The following DLG5 variants were observed in gnomAD, a reference collection of about 807,000 sequenced individuals.
DLG5 encodes the protein discs large MAGUK scaffold protein 5.
Under a neutral mutation model 189.8 loss-of-function variants are expected in DLG5, and 48 were observed. The ratio of observed to expected loss-of-function variants is 0.25; its 90% confidence interval spans 0.20 to 0.32. The LOEUF (loss-of-function observed/expected upper bound fraction) is 0.32. DLG5 is among the 10% of genes least tolerant of loss of function. The probability of loss-of-function intolerance (pLI) is 1.00; values close to 1 mark genes in which losing one functional copy is unlikely to be tolerated. For missense variants in DLG5, 2,160 were observed against 2,544.7 expected, an observed-to-expected ratio of 0.85 and a Z score of 3.25; for synonymous variants, 1,016 against 1,054.1, an observed-to-expected ratio of 0.96 and a Z score of 0.70.
At chr10:77,845,600 G>GAGGGAAGA (rs1472568247) in intron 5 of DLG5, among the ~76,000 whole-genome samples, 1 of 151,742 alleles carries the variant, frequency 6.6e-6, no homozygotes, top group Non-Finnish European at 1.5e-5. Flanking sequence ...TGGAGGGAAG[G>GAGGGAAGA]AGGGAAGAAG....
intron 5 of DLG5, chr10:77,846,747 A>G: frequency 2.2e-6 from 1 of 456,122 alleles, no homozygotes; most frequent in Non-Finnish European, 4.4e-6. Context: ...CCCCTAAGCC[A>G]AGTGAGAACC....
At position 77,809,699 on chromosome 10, in the gene DLG5, C is replaced by T; in HGVS notation, c.4495G>A (p.Glu1499Lys). The change falls in exon 24 of 32, where the codon GAG (glutamate) becomes AAG (lysine). Residue 1499 changes from glutamate (E) to lysine (K), a missense_variant. This residue lies in a region of DLG5 where 574 missense variants were observed against 644.2 expected (regional missense o/e 0.89). Coordinates refer to ENST00000372391, the MANE Select transcript of DLG5 (RefSeq NM_004747.4). ...IAGDANKKTLEPRVVFIKKSQ... is the reference protein window; with the variant it reads ...IAGDANKKTLKPRVVFIKKSQ... ...TTTTTGATGAAGACAACGCGTGGCT[C>T]CAGGGTCTTCTTGTTGGCATCTCCC... The T allele has an allele frequency of 6.2e-7, 1 of 1,613,724 alleles. No individual in the cohort carries two copies. Among genetic ancestry groups the T allele is most frequent in the South Asian group, 1.1e-5 (1 of 90,986 alleles).
In DLG5 at chr10:77,895,242, G is replaced by A. The variant is rs558622551; in HGVS notation, c.305-26045C>T. Among the ~76,000 whole-genome samples the A allele has an allele frequency of 2.7e-4, 41 of 152,176 alleles. No individual in the cohort carries two copies. In the South Asian group the frequency reaches 7.7e-3, roughly 29 times the overall value. On this transcript the variant is annotated intron_variant, in intron 1 of 31. Transcript: ENST00000372391. The stretch of plus-strand genomic sequence containing the variant: ...CCTCCACCCTGTCCCCGCCAATGCC[G>A]TTTCACTACTCACGCCCCTTCTCCT...
intron 7 of DLG5, among the ~76,000 whole-genome samples, chr10:77,840,480 G>A (rs535418310): frequency 1.3e-5 from 2 of 152,358 alleles, no homozygotes; most frequent in Non-Finnish European, 2.9e-5. Flanking sequence ...TACTTTGGGA[G>A]GCCGAGGCGG....
In DLG5 at chr10:77,821,987, G is replaced by C. The variant is rs746724072; in HGVS notation, c.2497C>G (p.Arg833Gly). ...GAGTTATTGTGCTGTATCAAGTTCC[G>C]TTTGTTATGAGCCTGGACCTCCGGG... ...HGPEVQAHNK[R>G]NLIQHNNSTQ... Residue 833 changes from arginine (R) to glycine (G), a missense_variant, in exon 15 of 32, where the codon CGG (arginine) becomes GGG (glycine). Coordinates refer to ENST00000372391, the MANE Select transcript of DLG5 (RefSeq NM_004747.4). 1.9e-6 allele frequency: 3 copies of C among 1,614,222 alleles called. No individual in the cohort carries two copies. The highest frequency in any genetic ancestry group is 2.5e-6 in the Non-Finnish European group (3 of 1,180,046).
intron 1 of DLG5, among the ~76,000 whole-genome samples, chr10:77,871,536 CTTTTT>C (rs34326711): frequency 7.2e-5 from 6 of 83,886 alleles, no homozygotes; most frequent in Admixed American, 1.9e-4. Flanking sequence ...AAGCATCACA[CTTTTT>C]TTTTTTTTTT....
intron 5 of DLG5, among the ~76,000 whole-genome samples, chr10:77,851,856 C>T (rs1843991079): frequency 6.6e-6 from 1 of 152,222 alleles, no homozygotes; most frequent in Non-Finnish European, 1.5e-5. Context: ...CAGAGCAAGA[C>T]AAGGACCTAC....
intron 13 of DLG5, chr10:77,824,771 A>C (rs184646636): frequency 4.5e-4 from 153 of 340,556 alleles, no homozygotes; most frequent in African/African-American, 2.5e-3. Context: ...GTGCCCGGCC[A>C]TGTGGCGTGG....
Position 77,811,117 on chromosome 10 carries a change from G to C in DLG5, c.4440C>G (p.Pro1480=). The stretch of plus-strand genomic sequence containing the variant: ...ACCTGGAGCTGCTCTGCTTGGCTGG[G>C]GGGGTGCTAGGCCCCTCGTCCTGCT... ...LMEQDEGPST[P]PAKQSSSRIA... is the part of the protein sequence containing the mutation. The change falls in exon 23 of 32, where the codon CCC becomes CCG. Residue 1480 remains proline, a synonymous_variant. Transcript: ENST00000372391. 2 of 1,612,130 alleles carry C rather than the reference G, an allele frequency of 1.2e-6. No homozygotes were observed. Among genetic ancestry groups the C allele is most frequent in the South Asian group, 2.2e-5 (2 of 90,992 alleles).
the DLG5 span, among the ~76,000 whole-genome samples, chr10:77,933,450 C>G: frequency 6.6e-6 from 1 of 151,910 alleles, no homozygotes; most frequent in Non-Finnish European, 1.5e-5. Context: ...CCCGCCACCA[C>G]GCTCGGCTAA....
chr10:77,867,030 A>C, intron 2 of DLG5: 1 of 457,024 alleles, frequency 2.2e-6, no homozygotes, highest in South Asian at 1.5e-5. Flanking sequence ...AGAGCACTGC[A>C]CTCTGCCTGC....
chr10:77,863,291 G>A (rs561214009), intron 2 of DLG5, among the ~76,000 whole-genome samples: 6 of 151,794 alleles, frequency 4.0e-5, no homozygotes, highest in African/African-American at 1.4e-4. Flanking sequence ...TAGCGACAGG[G>A]CCCCACTATG....
chr10:77,816,892 T>C lies in DLG5; in HGVS notation c.3874+115A>G, dbSNP rs1842083123. On this transcript the variant is annotated intron_variant, in intron 19 of 31. Transcript: ENST00000372391. ...CAGGCCTACTGCTGGGCTCAGTGAA[T>C]TTTTACTGACTGACTGAGATGACTA... The C allele has an allele frequency of 2.1e-6, 3 of 1,418,656 alleles. No homozygotes were observed. In the East Asian group the frequency reaches 7.0e-5, roughly 33 times the overall value. 87.9% of individuals were successfully genotyped at this position (1,418,656 alleles called of 1,614,324 possible). A position where few individuals can be genotyped will look rare whatever the true frequency, so the allele number is the denominator to read the frequency against.
At chr10:77,819,600 C>G in intron 16 of DLG5, 135 bp from the exon 17 acceptor site, 1 of 1,247,858 alleles carries the variant, frequency 8.0e-7, no homozygotes, top group Non-Finnish European at 1.1e-6. Flanking sequence ...GTTTTAACCA[C>G]CAATTCACAA....
At chr10:77,806,709 C>A in intron 26 of DLG5, 49 bp downstream of exon 26, 1 of 1,446,102 alleles carries the variant, frequency 6.9e-7, no homozygotes, top group Non-Finnish European at 9.6e-7. Flanking sequence ...TGGCTGGTGG[C>A]CCTCGGCGAC....
chr10:77,875,181 T>G (rs887574175), intron 1 of DLG5, among the ~76,000 whole-genome samples: 1 of 152,130 alleles, frequency 6.6e-6, no homozygotes, highest in Non-Finnish European at 1.5e-5. Context: ...GCGCCTGTGC[T>G]CTCAAATCCT....
chr10:77,920,437 G>C (rs1252091849), intron 1 of DLG5, among the ~76,000 whole-genome samples: 1 of 152,178 alleles, frequency 6.6e-6, no homozygotes, highest in Non-Finnish European at 1.5e-5. Flanking sequence ...GCTTGGAGTG[G>C]ACATTCATCT....
chr10:77,911,147 T>C (rs1846209832), intron 1 of DLG5, among the ~76,000 whole-genome samples: 1 of 152,150 alleles, frequency 6.6e-6, no homozygotes, highest in African/African-American at 2.4e-5. Flanking sequence ...ATTGATTGAT[T>C]GAGACAGGGT....
At chr10:77,830,161 C>G (rs1410273547) in intron 11 of DLG5, 56 bp downstream of exon 11, 1 of 1,608,748 alleles carries the variant, frequency 6.2e-7, no homozygotes, top group Non-Finnish European at 8.5e-7. Flanking sequence ...TTCGGGTCCT[C>G]TGCACTGGGA....
Sources: gnomAD v4.1 joint callset for allele counts (sites outside exome capture counted in the v4.1 genomes callset) on GRCh38, gnomAD v4.1.1 for gene constraint, gnomAD v4.1.1 regional missense constraint, MANE v1.5 for transcripts, NCBI Gene and HGNC (gene_info 2026-07-23, HGNC 2026-07-21) for gene names.